PRKCA: variants seen among roughly 807,000 people sequenced by gnomAD.
PRKCA encodes protein kinase C alpha.
A neutral mutation model predicts 87.0 loss-of-function variants in PRKCA; 27 were observed. The ratio of observed to expected loss-of-function variants is 0.31; its 90% CI spans 0.23 to 0.43. The LOEUF is 0.43. Among genes scored for constraint, PRKCA ranks in the 20% least tolerant of loss-of-function variants. The pLI, the probability that PRKCA is intolerant of heterozygous loss-of-function variation, is 1.00. For synonymous variants in PRKCA, 329 were observed against 311.1 expected (o/e 1.06, Z -0.61); for missense variants, 518 against 852.3 (o/e 0.61, Z 4.88).
intron 3 of PRKCA, among the ~76,000 whole-genome samples, chr17:66,579,889 G>T (rs951162970): frequency 6.6e-6 from 1 of 152,106 alleles, no homozygotes; most frequent in Non-Finnish European, 1.5e-5. Context: ...AAAATCGGGG[G>T]TTGGACTTCC....
At chr17:66,578,360 C>T (rs1482092447) in intron 3 of PRKCA, among the ~76,000 whole-genome samples, 3 of 152,130 alleles carry the variant, frequency 2.0e-5, no homozygotes, top group Non-Finnish European at 2.9e-5. Context: ...CCCTTCAGCT[C>T]CAGGGAGCCT....
chr17:66,473,991 T>C (rs1396039115), intron 2 of PRKCA, among the ~76,000 whole-genome samples: 1 of 152,152 alleles, frequency 6.6e-6, no homozygotes, highest in Non-Finnish European at 1.5e-5. Flanking sequence ...AAGCTCAGTC[T>C]CACACATATG....
chr17:66,523,877 A>G (rs772439035), intron 3 of PRKCA, among the ~76,000 whole-genome samples: 1 of 152,212 alleles, frequency 6.6e-6, no homozygotes, highest in Non-Finnish European at 1.5e-5. Flanking sequence ...TGATGTCAAC[A>G]TATCTAATAC....
intron 6 of PRKCA, 78 bp from the exon 7 acceptor site, chr17:66,688,224 C>G: frequency 1.3e-6 from 2 of 1,536,218 alleles, no homozygotes; most frequent in Middle Eastern, 1.7e-4. Context: ...ATCTCAGGCT[C>G]GAGTCATATA....
At chr17:66,516,952 G>A (rs1337873506) in intron 3 of PRKCA, among the ~76,000 whole-genome samples, 1 of 152,218 alleles carries the variant, frequency 6.6e-6, no homozygotes, top group Non-Finnish European at 1.5e-5. Flanking sequence ...CTCTGGAATA[G>A]CTCAGCTCCT....
chr17:66,736,908 ACACT>A (rs1439162848), intron 10 of PRKCA, among the ~76,000 whole-genome samples: 2 of 152,174 alleles, frequency 1.3e-5, no homozygotes, highest in Non-Finnish European at 2.9e-5. Flanking sequence ...GCTGCAAGAG[ACACT>A]CACAGCCTAA....
chr17:66,343,468 T>G (rs4791067), intron 2 of PRKCA, among the ~76,000 whole-genome samples: 150,279 of 152,194 alleles, frequency 0.99, 74,226 homozygotes, highest in Middle Eastern at 1. Context: ...GCTATTGAAG[T>G]GGTGTAAGTG....
At chr17:66,470,094 C>T (rs1258989131) in intron 2 of PRKCA, among the ~76,000 whole-genome samples, 1 of 151,474 alleles carries the variant, frequency 6.6e-6, no homozygotes, top group African/African-American at 2.4e-5. Context: ...CTGCATGTCC[C>T]AGGAAGAGGC....
intron 3 of PRKCA, among the ~76,000 whole-genome samples, chr17:66,506,643 C>G (rs1282366105): frequency 6.6e-6 from 1 of 152,164 alleles, no homozygotes; most frequent in African/African-American, 2.4e-5. Flanking sequence ...GTAGCCGTCT[C>G]ATCAGCATCA....
intron 2 of PRKCA, among the ~76,000 whole-genome samples, chr17:66,470,655 G>C (rs1300438775): frequency 1.3e-5 from 2 of 152,144 alleles, no homozygotes; most frequent in Non-Finnish European, 2.9e-5. Context: ...CAGACTTAAA[G>C]GGCACAGTCA....
intron 2 of PRKCA, among the ~76,000 whole-genome samples, chr17:66,332,095 C>T (rs564927563): frequency 1.1e-4 from 17 of 151,944 alleles, no homozygotes; most frequent in Non-Finnish European, 2.2e-4. Context: ...ACTTTTACCC[C>T]ATTCATAATA....
At chr17:66,461,308 A>G (rs750888598) in intron 2 of PRKCA, among the ~76,000 whole-genome samples, 9 of 151,970 alleles carry the variant, frequency 5.9e-5, no homozygotes, top group Non-Finnish European at 1.2e-4. Context: ...TGTTATCTGT[A>G]TGTAAAAAAA....
intron 2 of PRKCA, among the ~76,000 whole-genome samples, chr17:66,445,337 C>T (rs936149234): frequency 6.6e-6 from 1 of 152,230 alleles, no homozygotes; most frequent in Non-Finnish European, 1.5e-5. Context: ...ATCCGGGATT[C>T]ACATACCAAG....
intron 2 of PRKCA, among the ~76,000 whole-genome samples, chr17:66,358,106 G>T (rs774096225): frequency 1.3e-5 from 2 of 151,932 alleles, no homozygotes; most frequent in Non-Finnish European, 2.9e-5. Context: ...ATAAGTACTT[G>T]TTTGTGTCAT....
chr17:66,446,056 C>T (rs228887), intron 2 of PRKCA, among the ~76,000 whole-genome samples: 53,565 of 151,900 alleles, frequency 0.35, 10,109 homozygotes, highest in Middle Eastern at 0.48. Flanking sequence ...TCAAGTGATC[C>T]GTGCACCTCG....
At chr17:66,718,297 T>C (rs1416641985) in intron 8 of PRKCA, among the ~76,000 whole-genome samples, 1 of 152,112 alleles carries the variant, frequency 6.6e-6, no homozygotes, top group Non-Finnish European at 1.5e-5. Context: ...GAGGAGCCTC[T>C]CAGGCCTCTT....
intron 2 of PRKCA, among the ~76,000 whole-genome samples, chr17:66,451,301 A>G (rs1369975246): frequency 6.6e-6 from 1 of 152,064 alleles, no homozygotes; most frequent in Non-Finnish European, 1.5e-5. Context: ...ATATAATAGG[A>G]TTCCATTCTT....
intron 2 of PRKCA, among the ~76,000 whole-genome samples, chr17:66,485,422 C>T (rs1465561051): frequency 2.0e-5 from 3 of 152,206 alleles, no homozygotes; most frequent in Non-Finnish European, 2.9e-5. Context: ...ACTGTCCTAA[C>T]GTGCTGAGTG....
At chr17:66,502,061 G>A (rs1051978481) in intron 3 of PRKCA, among the ~76,000 whole-genome samples, 11 of 152,208 alleles carry the variant, frequency 7.2e-5, no homozygotes, top group Middle Eastern at 3.4e-3. Flanking sequence ...TGATCAGTGC[G>A]GAGCTCCCTG....
Sources: allele counts gnomAD v4.1 joint callset (sites outside exome capture counted in the v4.1 genomes callset), GRCh38; gene constraint gnomAD v4.1.1; transcripts MANE v1.5; gene names NCBI Gene and HGNC (gene_info 2026-07-23, HGNC 2026-07-21).